Variants in PPP4R3A observed in about 807,000 individuals in gnomAD.
PPP4R3A encodes protein phosphatase 4 regulatory subunit 3A.
Under a neutral mutation model 91.7 loss-of-function variants are expected in PPP4R3A, and 15 were observed. That is an observed-to-expected ratio of 0.16 (90% CI 0.11 to 0.25). PPP4R3A has a LOEUF of 0.25. Among genes scored for constraint, PPP4R3A ranks in the 10% least tolerant of loss-of-function variants. The pLI, the probability that PPP4R3A is intolerant of heterozygous loss-of-function variation, is 1.00. For missense variants in PPP4R3A, 623 were observed against 998.4 expected, an observed-to-expected ratio of 0.62 and a Z score of 5.07; for synonymous variants, 377 against 348.7, an observed-to-expected ratio of 1.08 and a Z score of -0.91.
chr14:91,476,343 G>A, intron 6 of PPP4R3A, 65 bp downstream of exon 6: 1 of 1,102,176 alleles, frequency 9.1e-7, no homozygotes, highest in Non-Finnish European at 1.4e-6. Flanking sequence ...TTTGCATGTA[G>A]CATTAAAAAT....
intron 11 of PPP4R3A, among the ~76,000 whole-genome samples, chr14:91,464,607 C>T (rs1258949732): frequency 6.6e-6 from 1 of 152,054 alleles, no homozygotes; most frequent in Non-Finnish European, 1.5e-5. Flanking sequence ...AACAAAAAGC[C>T]ATGCCAGATA....
chr14:91,461,482 T>G lies in PPP4R3A; in HGVS notation c.2290A>C (p.Asn764His), dbSNP rs763617268. 5 of 1,613,962 alleles carry G rather than the reference T, an allele frequency of 3.1e-6. No individual in the cohort carries two copies. The highest frequency in any genetic ancestry group is 2.7e-5 in the African/African-American group (2 of 74,896). The change falls in exon 14 of 15, where the codon AAT (asparagine) becomes CAT (histidine). Residue 764 changes from asparagine (N) to histidine (H), a missense_variant. By Grantham distance (68) the Asn-to-His change is moderately conservative (BLOSUM62 1). Transcript: ENST00000554943. ...GGTGATCCCGGAGAACCAGGCAGATTTGTTGTAGATGACTGGCTGGTGAGG... is the reference window on the plus strand; with the variant it reads ...GGTGATCCCGGAGAACCAGGCAGATGTGTTGTAGATGACTGGCTGGTGAGG... ...TNLTSQSSTT[N>H]LPGSPGSPGS... is the part of the protein sequence containing the mutation.
chr14:91,471,678 A>G (rs1440153946), intron 9 of PPP4R3A, among the ~76,000 whole-genome samples: 1 of 152,230 alleles, frequency 6.6e-6, no homozygotes, highest in Middle Eastern at 3.2e-3. Flanking sequence ...AGGTAAGAAA[A>G]ATGGACATTC....
chr14:91,505,442 C>T (rs1356665991), intron 1 of PPP4R3A, among the ~76,000 whole-genome samples: 3 of 108,046 alleles, frequency 2.8e-5, no homozygotes, highest in African/African-American at 7.1e-5. Flanking sequence ...AGAGATTCTG[C>T]CTAAAAAAAA....
intron 1 of PPP4R3A, among the ~76,000 whole-genome samples, chr14:91,507,758 A>C (rs1469840524): frequency 6.8e-6 from 1 of 146,834 alleles, no homozygotes; most frequent in Non-Finnish European, 1.5e-5. Context: ...ATAATGAATC[A>C]AATTAAACAC....
At chr14:91,476,373 A>C (rs201249880) in intron 6 of PPP4R3A, 35 bp downstream of exon 6, 6 of 1,372,930 alleles carry the variant, frequency 4.4e-6, no homozygotes, top group Non-Finnish European at 6.1e-6. Flanking sequence ...GGGATTAAAA[A>C]ATGGTAATTA....
chr14:91,460,051 G>T (rs1033834496), intron 14 of PPP4R3A, among the ~76,000 whole-genome samples: 4 of 151,666 alleles, frequency 2.6e-5, no homozygotes, highest in African/African-American at 9.7e-5. Context: ...TCACTCTGTC[G>T]CCCAGGCTGG....
At chr14:91,474,152 T>C (rs1014522600) in intron 7 of PPP4R3A, among the ~76,000 whole-genome samples, 1 of 152,224 alleles carries the variant, frequency 6.6e-6, no homozygotes, top group Non-Finnish European at 1.5e-5. Context: ...AAAATTTCCT[T>C]TTAAAATAAA....
Position 91,465,526 on chromosome 14 carries a change from C to G in PPP4R3A, c.1661-107G>C, listed in dbSNP as rs904364706. ...CCAAAAAAAACTGTTTAACACATAT[C>G]AATAATTATTTATGATGTTTGCACT... On this transcript the variant is annotated intron_variant, in intron 10 of 14. Transcript: ENST00000554943. 3 of 935,030 alleles carry G rather than the reference C, an allele frequency of 3.2e-6. No individual in the cohort carries two copies. In the African/African-American group the frequency reaches 5.1e-5, roughly 16 times the overall value. The allele number at this position is 935,030 out of a possible 1,614,324, so 57.9% of individuals were successfully genotyped here.
rs187981662 is a variant in PPP4R3A, at chr14:91,494,053, A to G, written c.143-3251T>C. On this transcript the variant is annotated intron_variant, in intron 1 of 14. Transcript: ENST00000554943. ...GGTCACTTGAGGTCAGCAGTTCGAGACCAGCCTGGCCAACATGGTGAAACC... is the reference window on the plus strand; with the variant it reads ...GGTCACTTGAGGTCAGCAGTTCGAGGCCAGCCTGGCCAACATGGTGAAACC... Among the ~76,000 whole-genome samples the G allele has an allele frequency of 1.2e-3, 175 of 151,954 alleles. 7 individuals are homozygous for G. The East Asian group carries it at 0.032, about 28-fold the overall frequency.
intron 10 of PPP4R3A, chr14:91,466,532 A>G: frequency 1.6e-6 from 1 of 627,398 alleles, no homozygotes. Context: ...TTAACAATGC[A>G]ACTTATTTAA....
intron 12 of PPP4R3A, 131 bp from the exon 13 acceptor site, chr14:91,462,370 C>A: frequency 6.3e-6 from 6 of 951,484 alleles, no homozygotes; most frequent in South Asian, 2.9e-5. Context: ...CAATGTAAAT[C>A]CAGGTATTTA....
intron 2 of PPP4R3A, among the ~76,000 whole-genome samples, chr14:91,488,909 T>TTG (rs1555436840): frequency 6.8e-6 from 1 of 146,044 alleles, no homozygotes; most frequent in African/African-American, 2.5e-5. Flanking sequence ...AGATACCACT[T>TTG]TTTTTTTTTT....
At position 91,509,579 on chromosome 14, in the gene PPP4R3A, G is replaced by A. The variant is rs1489065416; in HGVS notation, c.69C>T (p.Gly23=). 3.1e-6 allele frequency: 5 copies of A among 1,602,756 alleles called. No homozygotes were observed. The highest frequency in any genetic ancestry group is 4.2e-6 in the Non-Finnish European group (5 of 1,178,956). ...LNEDRQWDDR[G]TGHVSSGYVE... is the part of the protein sequence containing the mutation. Reference sequence around the variant, plus strand: ...CGTAGCCAGACGACACATGCCCGGTGCCCCGGTCGTCCCACTGCCGGTCCT... The same window carrying A: ...CGTAGCCAGACGACACATGCCCGGTACCCCGGTCGTCCCACTGCCGGTCCT... The change falls in exon 1 of 15, where the codon GGC becomes GGT. Residue 23 remains glycine (G), a synonymous_variant. Coordinates refer to ENST00000554943, the MANE Select transcript of PPP4R3A (RefSeq NM_001366432.2).
At chr14:91,488,658 A>G (rs1323321611) in intron 2 of PPP4R3A, among the ~76,000 whole-genome samples, 2 of 152,202 alleles carry the variant, frequency 1.3e-5, no homozygotes, top group African/African-American at 4.8e-5. Context: ...CTCAGTAAAT[A>G]CTGAGCACTT....
intron 1 of PPP4R3A, among the ~76,000 whole-genome samples, chr14:91,495,893 T>C (rs969980479): frequency 5.3e-5 from 8 of 151,400 alleles, no homozygotes; most frequent in African/African-American, 1.9e-4. Context: ...CACTCCAGCC[T>C]AGGCAACAGA....
At chr14:91,500,979 C>T (rs539101378) in intron 1 of PPP4R3A, among the ~76,000 whole-genome samples, 1 of 152,250 alleles carries the variant, frequency 6.6e-6, no homozygotes, top group East Asian at 1.9e-4. Flanking sequence ...CTGCAATGAG[C>T]TATGATCACA....
At chr14:91,494,245 C>T (rs977171507) in intron 1 of PPP4R3A, among the ~76,000 whole-genome samples, 4 of 152,234 alleles carry the variant, frequency 2.6e-5, no homozygotes, top group African/African-American at 9.6e-5. Context: ...TAGGACCCAA[C>T]TAGGAAACGC....
In PPP4R3A at chr14:91,476,408, A is replaced by C; in HGVS notation, c.1110T>G (p.Leu370=). 6.3e-7 allele frequency: 1 copy of C among 1,587,496 alleles called. No homozygotes were observed. The highest frequency in any genetic ancestry group is 1.2e-5 in the South Asian group (1 of 85,828). ...MGILPALEVI[L]GMDDTQVRSA... Reference sequence around the variant, plus strand: ...AAAAATGAGGAGACACAAAACTTACAAGGATGACTTCTAAAGCTGGTAATA... The same window carrying C: ...AAAAATGAGGAGACACAAAACTTACCAGGATGACTTCTAAAGCTGGTAATA... The change falls in exon 6 of 15, where the codon CTT becomes CTG. Residue 370 remains leucine (L), a splice_region_variant and synonymous_variant. Coordinates refer to ENST00000554943, the MANE Select transcript of PPP4R3A (RefSeq NM_001366432.2).
Sources: allele counts gnomAD v4.1 joint callset (sites outside exome capture counted in the v4.1 genomes callset), GRCh38; gene constraint gnomAD v4.1.1; transcripts MANE v1.5; gene names NCBI Gene and HGNC (gene_info 2026-07-23, HGNC 2026-07-21).